Variants in SUSD1 observed in about 807,000 individuals in gnomAD.
SUSD1 encodes sushi domain-containing protein 1.
A neutral mutation model predicts 86.9 loss-of-function variants in SUSD1; 65 were observed. That is an observed-to-expected ratio of 0.75 (90% CI 0.61 to 0.92). SUSD1 has a LOEUF of 0.92. SUSD1 is among the 40% of genes least tolerant of loss of function. SUSD1 has a pLI of 0.00. For synonymous variants in SUSD1, 346 were observed against 350.0 expected (o/e 0.99, Z 0.13); for missense variants, 850 against 929.7 (o/e 0.91, Z 1.11).
chr9:112,052,900 G>A (rs1002754454), intron 14 of SUSD1, among the ~76,000 whole-genome samples: 2 of 152,278 alleles, frequency 1.3e-5, no homozygotes, highest in Admixed American at 1.3e-4. Flanking sequence ...ACTTAGCAAC[G>A]TCAGTTACCC....
intron 14 of SUSD1, among the ~76,000 whole-genome samples, chr9:112,054,837 A>G (rs765400072): frequency 1.2e-4 from 18 of 152,208 alleles, no homozygotes; most frequent in Non-Finnish European, 2.4e-4. Flanking sequence ...CAGACTGATC[A>G]TCATCAAAAT....
At chr9:112,091,859 T>C (rs1228006849) in intron 10 of SUSD1, among the ~76,000 whole-genome samples, 1 of 152,228 alleles carries the variant, frequency 6.6e-6, no homozygotes, top group Non-Finnish European at 1.5e-5. Flanking sequence ...ATTTGGTATC[T>C]GGTCAGAACA....
chr9:112,165,927 A>AAAG (rs56122618), intron 1 of SUSD1, among the ~76,000 whole-genome samples: 8,305 of 40,070 alleles, frequency 0.21, 425 homozygotes, highest in African/African-American at 0.26. Flanking sequence ...GAAAGAAAAG[A>AAAG]AAGAAAGAAA....
chr9:112,102,161 A>G lies in SUSD1; in HGVS notation c.1281+15T>C, dbSNP rs745502350. 2.1e-6 allele frequency: 3 copies of G among 1,441,706 alleles called. No individual in the cohort carries two copies. Among genetic ancestry groups the G allele is most frequent in the Non-Finnish European group, 2.8e-6 (3 of 1,057,320 alleles). The allele number at this position is 1,441,706 out of a possible 1,614,324, so 89.3% of individuals were successfully genotyped here. On this transcript the variant is annotated intron_variant, in intron 9 of 16. Transcript: ENST00000374270. ...GACACAATTCTTTAATGGAAAGCAT[A>G]AGAGATCTCCTTACTTGGTACATGT...
chr9:112,164,814 G>A (rs555514171), intron 1 of SUSD1, among the ~76,000 whole-genome samples: 1 of 152,072 alleles, frequency 6.6e-6, no homozygotes, highest in South Asian at 2.1e-4. Flanking sequence ...TTTGGTGGCC[G>A]GTGCCTGTAG....
chr9:112,047,929 C>T (rs954120082), intron 15 of SUSD1, among the ~76,000 whole-genome samples: 2 of 152,134 alleles, frequency 1.3e-5, no homozygotes, highest in Admixed American at 6.5e-5. Flanking sequence ...GTTACCCAGC[C>T]TCCAGTATTC....
At chr9:112,059,983 T>C (rs535831063) in intron 13 of SUSD1, among the ~76,000 whole-genome samples, 17 of 151,860 alleles carry the variant, frequency 1.1e-4, no homozygotes, top group African/African-American at 3.9e-4. Flanking sequence ...AATGAATGAT[T>C]CTTGAGTTGA....
chr9:112,051,408 C>CT (rs746946192), intron 15 of SUSD1, among the ~76,000 whole-genome samples: 1,280 of 76,852 alleles, frequency 0.017, 29 homozygotes, highest in African/African-American at 0.036. Context: ...TTTTTCTTTT[C>CT]TTTTTTTTTT....
At chr9:112,111,111 G>A (rs1831079166) in intron 8 of SUSD1, among the ~76,000 whole-genome samples, 3 of 152,172 alleles carry the variant, frequency 2.0e-5, no homozygotes, top group Non-Finnish European at 2.9e-5. Context: ...TTGTGCCTCA[G>A]CCTCCCGAGT....
intron 2 of SUSD1, among the ~76,000 whole-genome samples, chr9:112,156,163 A>G (rs1833301531): frequency 7.2e-6 from 1 of 138,638 alleles, no homozygotes; most frequent in Admixed American, 7.0e-5. Context: ...AATAAAGGTA[A>G]AAAAAAAAAA....
Position 112,158,487 on chromosome 9 carries a change from C to A in SUSD1, c.104-874G>T, listed in dbSNP as rs151195511. On this transcript the variant is annotated intron_variant, in intron 1 of 16. Transcript: ENST00000374270. ...CTCACTGCAGCCTTGACCTCCCGGG[C>A]TCATGCAATTCTCCCCACCTCAACC... Among the ~76,000 whole-genome samples the A allele has an allele frequency of 1.4e-3, 220 of 151,962 alleles. 1 individual carries two copies. The highest frequency in any genetic ancestry group is 5.1e-3 in the African/African-American group (211 of 41,472).
At chr9:112,140,109 TC>T (rs1298848344) in intron 5 of SUSD1, among the ~76,000 whole-genome samples, 30 of 83,974 alleles carry the variant, frequency 3.6e-4, no homozygotes, top group African/African-American at 1.2e-3. Context: ...ACGCCTGTAA[TC>T]CCAGCACTTT....
intron 15 of SUSD1, 117 bp from the exon 16 acceptor site, chr9:112,042,077 G>T: frequency 6.5e-7 from 1 of 1,547,368 alleles, no homozygotes; most frequent in Non-Finnish European, 8.7e-7. Context: ...ATTTAACAAA[G>T]AATCCCAAGA....
intron 5 of SUSD1, among the ~76,000 whole-genome samples, chr9:112,135,470 GA>G (rs935059639): frequency 2.0e-5 from 3 of 151,986 alleles, no homozygotes; most frequent in Non-Finnish European, 4.4e-5. Context: ...AATGTTAAGG[GA>G]AAAAAAGGGC....
intron 14 of SUSD1, among the ~76,000 whole-genome samples, chr9:112,055,728 C>T (rs531330158): frequency 3.3e-5 from 5 of 152,044 alleles, no homozygotes; most frequent in Admixed American, 6.6e-5. Flanking sequence ...CAGCATTATT[C>T]GTAATAGCCA....
intron 4 of SUSD1, 146 bp downstream of exon 4, chr9:112,143,325 T>C (rs752287955): frequency 2.4e-4 from 185 of 761,868 alleles, no homozygotes; most frequent in Non-Finnish European, 3.5e-4. Flanking sequence ...TTGATTGTTG[T>C]TATTTGCTTT....
chr9:112,142,961 CTTTTTTTTTTTTTTTTTTTT>C (rs529470594), intron 4 of SUSD1, among the ~76,000 whole-genome samples: 2,896 of 30,196 alleles, frequency 0.096, 178 homozygotes, highest in African/African-American at 0.26. Context: ...TGAATTTTAG[CTTTTTTTTTTTTTTTTTTTT>C]TTTTTTTTTT....
At chr9:112,063,975 T>A (rs555483805) in intron 12 of SUSD1, among the ~76,000 whole-genome samples, 1 of 149,972 alleles carries the variant, frequency 6.7e-6, no homozygotes, top group African/African-American at 2.4e-5. Flanking sequence ...CTTCTATCCA[T>A]CCCTGTGATT....
At chr9:112,111,990 A>C in intron 7 of SUSD1, 150 bp from the exon 8 acceptor site, 1 of 719,990 alleles carries the variant, frequency 1.4e-6, no homozygotes, top group Non-Finnish European at 2.3e-6. Flanking sequence ...TCTGCTGATA[A>C]AGTCTGATCA....
Sources: allele counts gnomAD v4.1 joint callset (sites outside exome capture counted in the v4.1 genomes callset), GRCh38; gene constraint gnomAD v4.1.1; transcripts MANE v1.5; gene names NCBI Gene and HGNC (gene_info 2026-07-23, HGNC 2026-07-21).